SAMSN1: variants seen among roughly 807,000 people sequenced by gnomAD.
SAMSN1 encodes the protein SAM domain-containing protein SAMSN-1.
SAMSN1 carries 31 observed loss-of-function variants against 42.0 expected under a neutral mutation model. The ratio of observed to expected loss-of-function variants is 0.74; its 90% CI spans 0.55 to 1.00. SAMSN1 has a LOEUF of 1.00. SAMSN1 is among the 50% of genes least tolerant of loss of function. The pLI, the probability that SAMSN1 is intolerant of heterozygous loss-of-function variation, is 0.00. For missense variants in SAMSN1, 464 were observed against 439.4 expected (o/e 1.06, Z -0.50); for synonymous variants, 178 against 151.9 (o/e 1.17, Z -1.26).
At chr21:14,620,817 G>A (rs879761756) in intron 2 of SAMSN1, among the ~76,000 whole-genome samples, 9 of 152,132 alleles carry the variant, frequency 5.9e-5, no homozygotes, top group Non-Finnish European at 1.2e-4. Flanking sequence ...TAGTTAGATA[G>A]AATTCTGATT....
At chr21:14,573,384 A>C (rs1035935938) in intron 2 of SAMSN1, among the ~76,000 whole-genome samples, 1 of 152,172 alleles carries the variant, frequency 6.6e-6, no homozygotes, top group Non-Finnish European at 1.5e-5. Flanking sequence ...ATTCTTGTTC[A>C]TGAAGAAGTT....
intron 7 of SAMSN1, among the ~76,000 whole-genome samples, chr21:14,497,843 C>T (rs946423681): frequency 6.6e-6 from 1 of 152,112 alleles, no homozygotes; most frequent in Admixed American, 6.5e-5. Flanking sequence ...CTTTACAAGC[C>T]TGGTTGCTGT....
chr21:14,534,765 T>G (rs546698117), intron 1 of SAMSN1, among the ~76,000 whole-genome samples: 1 of 152,316 alleles, frequency 6.6e-6, no homozygotes, highest in East Asian at 1.9e-4. Context: ...TGTGACATGC[T>G]TTAAGACTTT....
chr21:14,634,164 A>G (rs1217117492), intron 2 of SAMSN1, among the ~76,000 whole-genome samples: 1 of 150,586 alleles, frequency 6.6e-6, no homozygotes, highest in Non-Finnish European at 1.5e-5. Context: ...AATTAACTCA[A>G]GATGGATTAA....
At chr21:14,546,509 G>A, upstream of SAMSN1, 1 of 413,660 alleles carries the variant, frequency 2.4e-6, no homozygotes. Flanking sequence ...CTCATATTTA[G>A]ACATGCCTGC....
chr21:14,618,684 G>C (rs1304516299), intron 2 of SAMSN1, among the ~76,000 whole-genome samples: 1 of 70,296 alleles, frequency 1.4e-5, no homozygotes, highest in African/African-American at 9.4e-5. Flanking sequence ...GTGTGTGTGT[G>C]TGTGTGTGCG....
chr21:14,541,145 G>C (rs571805638), intron 1 of SAMSN1, among the ~76,000 whole-genome samples: 4 of 138,206 alleles, frequency 2.9e-5, no homozygotes, highest in Non-Finnish European at 6.3e-5. Flanking sequence ...GTTGGGGGAG[G>C]GGGGAGGGAT....
At chr21:14,542,101 G>A (rs1316031692) in intron 1 of SAMSN1, among the ~76,000 whole-genome samples, 2 of 152,152 alleles carry the variant, frequency 1.3e-5, no homozygotes, top group African/African-American at 4.8e-5. Context: ...AGATTTCTTT[G>A]ATGAACTTCC....
chr21:14,636,252 T>C (rs994619413), intron 2 of SAMSN1, among the ~76,000 whole-genome samples: 1 of 152,168 alleles, frequency 6.6e-6, no homozygotes, highest in African/African-American at 2.4e-5. Flanking sequence ...ATTTAGCACA[T>C]GTATTATAAG....
At position 14,648,472 on chromosome 21, in the gene SAMSN1, G is replaced by A. The variant is rs544961362; in HGVS notation, c.25-5339C>T. ...CACAGCAAAAGAAACTACCATCAGA[G>A]TAAACAGGCAACCTAAAAAATGGGA... On this transcript the variant is annotated intron_variant, in intron 1 of 15. Transcript: ENST00000647101. Among the ~76,000 whole-genome samples, 94 of 152,254 alleles carry A rather than the reference G, an allele frequency of 6.2e-4. 1 individual carries two copies. The highest frequency in any genetic ancestry group is 1.2e-3 in the Non-Finnish European group (85 of 68,006).
intron 5 of SAMSN1, among the ~76,000 whole-genome samples, chr21:14,502,567 C>A (rs186370554): frequency 6.6e-6 from 1 of 152,214 alleles, no homozygotes; most frequent in East Asian, 1.9e-4. Flanking sequence ...GTAAGAGCTC[C>A]ACAAAAACTC....
At chr21:14,587,051 T>G (rs7281036), upstream of SAMSN1, among the ~76,000 whole-genome samples, 22,062 of 152,164 alleles carry the variant, frequency 0.14, 2,205 homozygotes, top group African/African-American at 0.29. Context: ...ATATGGAATA[T>G]CTAATCAGAG....
At chr21:14,649,240 G>A (rs561400105) in intron 1 of SAMSN1, among the ~76,000 whole-genome samples, 1 of 144,458 alleles carries the variant, frequency 6.9e-6, no homozygotes, top group Admixed American at 7.2e-5. Flanking sequence ...CATGGACACA[G>A]GAAGGGGAAC....
At chr21:14,489,676 A>G (rs1986597238) in intron 7 of SAMSN1, among the ~76,000 whole-genome samples, 1 of 152,158 alleles carries the variant, frequency 6.6e-6, no homozygotes, top group African/African-American at 2.4e-5. Context: ...CTATATAATA[A>G]AAATAGAATA....
In SAMSN1 at chr21:14,628,947, G is replaced by A. The variant is rs115901974; in HGVS notation, c.157-12931C>T. Among the ~76,000 whole-genome samples, 636 of 152,248 alleles carry A rather than the reference G, an allele frequency of 4.2e-3. 3 individuals carry two copies. The highest frequency in any genetic ancestry group is 0.013 in the African/African-American group (559 of 41,542). On this transcript the variant is annotated intron_variant, in intron 2 of 15. Coordinates refer to the SAMSN1 transcript ENST00000647101. ...AGGTAAATTTATAGATGGGTAAACA[G>A]AGGCACAGAGCAGTCAACATTCTTG...
chr21:14,495,532 G>A (rs1986881741), intron 7 of SAMSN1, among the ~76,000 whole-genome samples: 3 of 152,104 alleles, frequency 2.0e-5, no homozygotes, highest in Non-Finnish European at 4.4e-5. Flanking sequence ...AAGAAGCACT[G>A]GTTGAATCTG....
At chr21:14,525,294 C>CA (rs1378042058) in intron 1 of SAMSN1, among the ~76,000 whole-genome samples, 8 of 152,042 alleles carry the variant, frequency 5.3e-5, no homozygotes, top group Admixed American at 3.9e-4. Flanking sequence ...GCAATCACAC[C>CA]AAGCTCTGTA....
intron 2 of SAMSN1, among the ~76,000 whole-genome samples, chr21:14,624,304 C>CA (rs1208605667): frequency 2.0e-5 from 3 of 151,830 alleles, no homozygotes; most frequent in African/African-American, 7.3e-5. Context: ...GATAGAGACA[C>CA]AAAAAACCCT....
At chr21:14,612,858 A>T (rs1342023133) in intron 4 of SAMSN1, 4 of 705,046 alleles carry the variant, frequency 5.7e-6, no homozygotes, top group African/African-American at 3.5e-5. Flanking sequence ...TACACTTGTA[A>T]CCTTAGGAAT....
Sources: gnomAD v4.1 joint callset for allele counts (sites outside exome capture counted in the v4.1 genomes callset) on GRCh38, gnomAD v4.1.1 for gene constraint, MANE v1.5 for transcripts, NCBI Gene and HGNC (gene_info 2026-07-23, HGNC 2026-07-21) for gene names.